GUCY2C: variants seen among roughly 807,000 people sequenced by gnomAD.
GUCY2C encodes guanylate cyclase 2C.
Under a neutral mutation model 131.1 loss-of-function variants are expected in GUCY2C, and 118 were observed. The observed-to-expected ratio is 0.90, with a 90% CI of 0.78 to 1.05. The LOEUF (loss-of-function observed/expected upper bound fraction) is 1.05, where lower values mean the gene tolerates loss of function less well. Among genes scored for constraint, GUCY2C ranks in the 50% least tolerant of loss-of-function variants. The probability of loss-of-function intolerance (pLI) is 0.00; values close to 1 mark genes in which losing one functional copy is unlikely to be tolerated. For synonymous variants in GUCY2C, 452 were observed against 457.8 expected (o/e 0.99, Z 0.16); for missense variants, 1,161 against 1,304.4 (o/e 0.89, Z 1.69).
At chr12:14,667,627 T>C (rs982068981) in intron 10 of GUCY2C, among the ~76,000 whole-genome samples, 8 of 152,322 alleles carry the variant, frequency 5.3e-5, no homozygotes, top group Admixed American at 1.3e-4. Flanking sequence ...AGATCAAATT[T>C]TCAGAGTTTC....
intron 9 of GUCY2C, among the ~76,000 whole-genome samples, chr12:14,670,231 G>GA (rs1302720638): frequency 1.3e-5 from 2 of 152,058 alleles, no homozygotes; most frequent in South Asian, 2.1e-4. Context: ...AGTTGCTTTT[G>GA]AAAAAAGCTC....
intron 15 of GUCY2C, 76 bp downstream of exon 15, chr12:14,651,331 A>C: frequency 1.3e-6 from 1 of 743,180 alleles, no homozygotes; most frequent in Non-Finnish European, 2.3e-6. Context: ...ATATTATTTT[A>C]CTCGGTAAAT....
In GUCY2C at chr12:14,614,868, CAGTAGG is replaced by C. The variant is rs1174995308; in HGVS notation, c.3040_3045del (p.Pro1014_Thr1015del). On this transcript the variant is annotated inframe_deletion and splice_region_variant, in exon 26 of 27. Coordinates refer to ENST00000261170, the MANE Select transcript of GUCY2C (RefSeq NM_004963.4). Reference sequence around the variant, plus strand: ...TCCCTGCCACACCCAGAAGCTTACACAGTAGGAGGGGTTGGCAGGTTGAATTTCTGG... The same window carrying C: ...TCCCTGCCACACCCAGAAGCTTACACAGGGGTTGGCAGGTTGAATTTCTGG... 7 of 1,576,108 alleles carry C rather than the reference CAGTAGG, an allele frequency of 4.4e-6. No homozygotes were observed. The highest frequency in any genetic ancestry group is 6.0e-6 in the Non-Finnish European group (7 of 1,159,758).
chr12:14,658,186 C>T (rs1947798399), intron 11 of GUCY2C, among the ~76,000 whole-genome samples: 1 of 152,092 alleles, frequency 6.6e-6, no homozygotes, highest in Admixed American at 6.6e-5. Context: ...TGTTAACTTA[C>T]ATAAGTTCTT....
chr12:14,663,846 G>A (rs4764112), intron 10 of GUCY2C, among the ~76,000 whole-genome samples: 50,618 of 151,988 alleles, frequency 0.33, 10,234 homozygotes, highest in Admixed American at 0.48. Context: ...CCTGGCCCTG[G>A]TCATCTTATT....
chr12:14,648,758 A>G (rs1431816441), intron 15 of GUCY2C, among the ~76,000 whole-genome samples: 2 of 152,194 alleles, frequency 1.3e-5, no homozygotes, highest in Admixed American at 1.3e-4. Flanking sequence ...ATAACTGTAT[A>G]TCTTATTTCT....
chr12:14,684,164 T>A (rs1424761424), intron 3 of GUCY2C, among the ~76,000 whole-genome samples: 6 of 152,078 alleles, frequency 3.9e-5, no homozygotes, highest in African/African-American at 1.4e-4. Flanking sequence ...CTGATGTGAG[T>A]CTCATTAAAT....
intron 25 of GUCY2C, among the ~76,000 whole-genome samples, 168 bp downstream of exon 25, chr12:14,616,465 G>A (rs1317902164): frequency 6.6e-6 from 1 of 152,120 alleles, no homozygotes; most frequent in East Asian, 1.9e-4. Flanking sequence ...GGCAAGTTTT[G>A]AGTTCACATT....
chr12:14,684,932 C>T (rs1327347253), intron 3 of GUCY2C, among the ~76,000 whole-genome samples: 1 of 152,114 alleles, frequency 6.6e-6, no homozygotes, highest in African/African-American at 2.4e-5. Context: ...CTGCTTCGGC[C>T]TCCCAAAGCC....
chr12:14,652,402 T>G (rs796590151), intron 13 of GUCY2C, among the ~76,000 whole-genome samples: 4 of 152,258 alleles, frequency 2.6e-5, no homozygotes, highest in African/African-American at 9.6e-5. Flanking sequence ...CTCAAACTTC[T>G]GGCCTCAAAT....
At chr12:14,647,664 G>C (rs887178973) in intron 15 of GUCY2C, among the ~76,000 whole-genome samples, 2 of 152,086 alleles carry the variant, frequency 1.3e-5, no homozygotes, top group Non-Finnish European at 2.9e-5. Flanking sequence ...ACTAAGTTCT[G>C]TTAAGATTTA....
Position 14,625,861 on chromosome 12 carries a change from T to G in GUCY2C, c.2304A>C (p.Leu768=). The G allele has an allele frequency of 6.2e-7, 1 of 1,613,754 alleles. No individual in the cohort carries two copies. The highest frequency in any genetic ancestry group is 8.5e-7 in the Non-Finnish European group (1 of 1,179,680). ...GTTCCAGGTTTCGAGAATATAGCTG[T>G]AGACGTCGGATCAAGGTATCCATAT... ...ESYMDTLIRR[L]QLYSRNLEHL... Residue 768 remains leucine (L), a synonymous_variant, in exon 21 of 27, where the codon CTA becomes CTC. Transcript: ENST00000261170.
rs1306674918 is a variant in GUCY2C at position 14,674,714 on chromosome 12, A to C, written c.995T>G (p.Phe332Cys). The change falls in exon 8 of 27, where the codon TTT becomes TGT. Residue 332 changes from phenylalanine (F) to cysteine (C), a missense_variant. Transcript: ENST00000261170. Reference sequence around the variant, plus strand: ...AAGAAATATCTTCAGCATATGTCCAAAGAGCAGGATTCCATTCAAATAGGC... The same window carrying C: ...AAGAAATATCTTCAGCATATGTCCACAGAGCAGGATTCCATTCAAATAGGC... ...ALAYLNGILLFGHMLKIFLEN... is the reference protein window; with the variant it reads ...ALAYLNGILLCGHMLKIFLEN... 6.2e-7 allele frequency: 1 copy of C among 1,612,020 alleles called. No homozygotes were observed. The highest frequency in any genetic ancestry group is 8.5e-7 in the Non-Finnish European group (1 of 1,178,310).
chr12:14,642,427 A>G (rs560170671), intron 17 of GUCY2C, among the ~76,000 whole-genome samples: 1 of 152,314 alleles, frequency 6.6e-6, no homozygotes, highest in Non-Finnish European at 1.5e-5. Flanking sequence ...AGTTTCAATG[A>G]AACATGTATA....
At chr12:14,658,165 TTTC>T (rs1353314978) in intron 11 of GUCY2C, among the ~76,000 whole-genome samples, 1 of 152,182 alleles carries the variant, frequency 6.6e-6, no homozygotes, top group African/African-American at 2.4e-5. Flanking sequence ...TGTGTATATT[TTTC>T]TTATCCTTGT....
rs1947653400 is a variant in GUCY2C at position 14,651,300 on chromosome 12, A to G, written c.1710+107T>C. On this transcript the variant is annotated intron_variant, in intron 15 of 26. Transcript: ENST00000261170. ...AGTTTGGAAAGCATGTGACCCCACCAACTTTCCCTGATTTTCTCTAATATT... is the reference window on the plus strand; with the variant it reads ...AGTTTGGAAAGCATGTGACCCCACCGACTTTCCCTGATTTTCTCTAATATT... 3.2e-6 allele frequency: 2 copies of G among 623,350 alleles called. 1 individual carries two copies. Among genetic ancestry groups the G allele is most frequent in the South Asian group, 4.4e-5 (2 of 45,878 alleles). The allele number at this position is 623,350 out of a possible 1,614,324, so 38.6% of individuals were successfully genotyped here. A position where few individuals can be genotyped will look rare whatever the true frequency, so the allele number is the denominator to read the frequency against.
chr12:14,628,641 A>T lies in GUCY2C; in HGVS notation c.2249+5T>A. The stretch of plus-strand genomic sequence containing the variant: ...AGTGAATAAAAGTAAACATTTCAGC[A>T]ATACCCAAATATCTTGGCAAGTGTA... On this transcript the variant is annotated splice_donor_5th_base_variant and intron_variant, in intron 20 of 26. Transcript: ENST00000261170. 1 of 1,405,500 alleles carries T rather than the reference A, an allele frequency of 7.1e-7. No homozygotes were observed. Among genetic ancestry groups the T allele is most frequent in the Non-Finnish European group, 1.0e-6 (1 of 989,774 alleles). 87.1% of individuals were successfully genotyped at this position (1,405,500 alleles called of 1,614,324 possible). A position where few individuals can be genotyped will look rare whatever the true frequency, so the allele number is the denominator to read the frequency against.
At chr12:14,643,426 T>C (rs1044997395) in intron 17 of GUCY2C, 148 bp downstream of exon 17, 11 of 645,894 alleles carry the variant, frequency 1.7e-5, no homozygotes, top group Non-Finnish European at 2.7e-5. Context: ...GACTGACAAG[T>C]GTGAAGTTCT....
In GUCY2C at chr12:14,625,746, G is replaced by T; in HGVS notation, c.2408+11C>A. On this transcript the variant is annotated intron_variant, in intron 21 of 26. Coordinates refer to ENST00000261170, the MANE Select transcript of GUCY2C (RefSeq NM_004963.4). ...GGATTTCAGCCTCCACATCAGCAAG[G>T]CTTGCCTTACCTTGGAAGCAACATA... 6.2e-7 allele frequency: 1 copy of T among 1,613,168 alleles called. No individual in the cohort carries two copies. Among genetic ancestry groups the T allele is most frequent in the Non-Finnish European group, 8.5e-7 (1 of 1,179,354 alleles).
Sources: allele counts gnomAD v4.1 joint callset (sites outside exome capture counted in the v4.1 genomes callset), GRCh38; gene constraint gnomAD v4.1.1; transcripts MANE v1.5; gene names NCBI Gene and HGNC (gene_info 2026-07-23, HGNC 2026-07-21).